The following NKX3-2 variants were observed in gnomAD, a reference collection of about 807,000 sequenced individuals.
NKX3-2 encodes homeobox protein Nkx-3.2.
A neutral mutation model predicts 19.4 loss-of-function variants in NKX3-2; 13 were observed. The ratio of observed to expected loss-of-function variants is 0.67; its 90% CI spans 0.44 to 1.07. The LOEUF (loss-of-function observed/expected upper bound fraction) is 1.07. NKX3-2 is among the 50% of genes least tolerant of loss of function. The pLI is 0.00. For synonymous variants in NKX3-2, 269 were observed against 230.5 expected (o/e 1.17, Z -1.51); for missense variants, 562 against 488.2 (o/e 1.15, Z -1.42).
In NKX3-2 at chr4:13,542,483, C is replaced by A. The variant is rs1288440843; in HGVS notation, c.512G>T (p.Gly171Val). Reference protein sequence around the residue: ...RTEDDGVGPRGAHVSALCSGA... With the variant: ...RTEDDGVGPRVAHVSALCSGA... ...GCTGCACAGCGCGGACACGTGTGCA[C>A]CTCTGGGGCCAACACCGTCGTCCTC... The change falls in exon 2 of 2, where the codon GGT becomes GTT. Residue 171 changes from glycine to valine, a missense_variant. By Grantham distance (109) the Gly-to-Val change is moderately radical. Transcript: ENST00000382438. The surrounding 1 kb of genome is among the most constrained non-coding windows in gnomAD (Gnocchi z 6.4). 16 of 1,596,524 alleles carry A rather than the reference C, an allele frequency of 1.0e-5. No individual in the cohort carries two copies. The South Asian group carries it at 1.1e-4, about 11-fold the overall frequency.
rs771117010 is a variant in NKX3-2, at chr4:13,544,443, G to C, written c.-29C>G. 6.9e-7 allele frequency: 1 copy of C among 1,455,788 alleles called. No homozygotes were observed. The highest frequency in any genetic ancestry group is 2.9e-5 in the East Asian group (1 of 35,054). 90.2% of individuals were successfully genotyped at this position (1,455,788 alleles called of 1,614,324 possible). A position where few individuals can be genotyped will look rare whatever the true frequency, so the allele number is the denominator to read the frequency against. On this transcript the variant is annotated 5_prime_UTR_variant, in exon 1 of 2. Coordinates refer to ENST00000382438, the MANE Select transcript of NKX3-2 (RefSeq NM_001189.4). ...CGCCGCGGGCAGGAGCGGCCGGCGGGGCGGGCAGCTGGGGCGCCGAGCAGC... is the reference window on the plus strand; with the variant it reads ...CGCCGCGGGCAGGAGCGGCCGGCGGCGCGGGCAGCTGGGGCGCCGAGCAGC...
Position 13,544,398 on chromosome 4 carries a change from G to A in NKX3-2, c.17C>T (p.Ala6Val). 6.5e-7 allele frequency: 1 copy of A among 1,539,568 alleles called. No individual in the cohort carries two copies. Among genetic ancestry groups the A allele is most frequent in the South Asian group, 1.2e-5 (1 of 83,390 alleles). The change falls in exon 1 of 2, where the codon GCC (alanine) becomes GTC (valine). Residue 6 changes from alanine to valine, a missense_variant. Transcript: ENST00000382438. Reference sequence around the variant, plus strand: ...GATGGAGAAGGACGTCAAGGTGTTGGCGCCGCGCACAGCCATCTGCGCCGC... The same window carrying A: ...GATGGAGAAGGACGTCAAGGTGTTGACGCCGCGCACAGCCATCTGCGCCGC... MAVRGANTLTSFSIQA... is the reference protein window; with the variant it reads MAVRGVNTLTSFSIQA...
rs761056679 is a variant in NKX3-2, at chr4:13,543,664, G to C, written c.466+285C>G. Among the ~76,000 whole-genome samples the C allele has an allele frequency of 6.6e-6, 1 of 152,180 alleles. No homozygotes were observed. The highest frequency in any genetic ancestry group is 1.5e-5 in the Non-Finnish European group (1 of 68,040). On this transcript the variant is annotated intron_variant, in intron 1 of 1. Transcript: ENST00000382438. The surrounding 1 kb of genome is among the most constrained non-coding windows in gnomAD (Gnocchi z 7.1). ...ACTGGCGACGAACTCAAAAACTCCC[G>C]AACGCAAGGGGCAGCGGTTCTCCCA...
rs1410593176 is a variant in NKX3-2 at position 13,542,733 on chromosome 4, G to C, written c.467-205C>G. 1.3e-5 allele frequency among the ~76,000 whole-genome samples: 2 copies of C among 152,100 alleles called. No homozygotes were observed. Among genetic ancestry groups the C allele is most frequent in the African/African-American group, 4.8e-5 (2 of 41,426 alleles). On this transcript the variant is annotated intron_variant, in intron 1 of 1. Coordinates refer to ENST00000382438, the MANE Select transcript of NKX3-2 (RefSeq NM_001189.4). This position sits in a 1 kb window ranked among gnomAD's most constrained non-coding sequence, Gnocchi z 6.4. ...GGGTATCCCATCTAGGCCTCTTCTG[G>C]GGAGGGCGGCAGACTCAGCCGCTGT...
chr4:13,545,750 A>T (rs1173190701), upstream of NKX3-2, among the ~76,000 whole-genome samples: 1 of 152,170 alleles, frequency 6.6e-6, no homozygotes, highest in East Asian at 1.9e-4. Context: ...AAAAACTTTC[A>T]ATTTGTTTTT....
Position 13,543,773 on chromosome 4 carries a change from C to A in NKX3-2, c.466+176G>T, listed in dbSNP as rs1718047070. Among the ~76,000 whole-genome samples the A allele has an allele frequency of 6.6e-6, 1 of 152,232 alleles. No individual in the cohort carries two copies. The highest frequency in any genetic ancestry group is 1.5e-5 in the Non-Finnish European group (1 of 68,042). ...TCTGAGGAGCTACTCCGGTCTCTCG[C>A]GGGCTCAGTTCCCGAAGTGATAGAG... On this transcript the variant is annotated intron_variant, in intron 1 of 1. Transcript: ENST00000382438. This position sits in a 1 kb window ranked among gnomAD's most constrained non-coding sequence, Gnocchi z 7.1.
rs1261803941 is a variant in NKX3-2, at chr4:13,542,390, G to A, written c.605C>T (p.Pro202Leu). ...CCGCGAGCGCTTCTTGCGTGGCTTG[G>A]GCGCCGCCGGCTCCTCCTCCTCCTC... is the stretch of plus-strand genomic sequence containing the variant. ...VAEEEEEPAA[P>L]KPRKKRSRAA... Residue 202 changes from proline (P) to leucine (L), a missense_variant, in exon 2 of 2, where the codon CCC becomes CTC. Pro to Leu is a moderately conservative substitution (Grantham distance 98). Coordinates refer to ENST00000382438, the MANE Select transcript of NKX3-2 (RefSeq NM_001189.4). This position sits in a 1 kb window ranked among gnomAD's most constrained non-coding sequence, Gnocchi z 6.4. 6 of 1,505,616 alleles carry A rather than the reference G, an allele frequency of 4.0e-6. No individual in the cohort carries two copies. The highest frequency in any genetic ancestry group is 5.3e-6 in the Non-Finnish European group (6 of 1,134,100). 93.3% of individuals were successfully genotyped at this position (1,505,616 alleles called of 1,614,324 possible). A position where few individuals can be genotyped will look rare whatever the true frequency, so the allele number is the denominator to read the frequency against.
upstream of NKX3-2, chr4:13,544,705 T>G (rs1577285573): frequency 2.4e-5 from 5 of 206,766 alleles, no homozygotes; most frequent in East Asian, 1.2e-4. Context: ...TTCTCGCCCT[T>G]AGGGGCGGGC....
At chr4:13,547,403 C>A, upstream of NKX3-2, 1 of 349,604 alleles carries the variant, frequency 2.9e-6, no homozygotes, top group Non-Finnish European at 5.6e-6. Context: ...TTGGGCCGGC[C>A]CGGGAGTTGG....
chr4:13,542,598 C>G lies in NKX3-2; in HGVS notation c.467-70G>C. On this transcript the variant is annotated intron_variant, in intron 1 of 1. Transcript: ENST00000382438. The surrounding 1 kb of genome is among the most constrained non-coding windows in gnomAD (Gnocchi z 6.4). ...CAGACGAGGTGAGGCCGGGCCTCAA[C>G]TGCAGGGGTCACGGGAGTGGGGCGG... The G allele has an allele frequency of 6.4e-7, 1 of 1,565,794 alleles. No individual in the cohort carries two copies. Among genetic ancestry groups the G allele is most frequent in the Admixed American group, 1.7e-5 (1 of 59,902 alleles).
In NKX3-2 at chr4:13,542,174, G is replaced by A. The variant is rs1341018970; in HGVS notation, c.821C>T (p.Ala274Val). ...RQMAADLLAS[A>V]PAAKKVAVKV... ...TACGGCCACCTTCTTGGCGGCGGGCGCCGAGGCCAGCAGGTCGGCTGCCAT... is the reference window on the plus strand; with the variant it reads ...TACGGCCACCTTCTTGGCGGCGGGCACCGAGGCCAGCAGGTCGGCTGCCAT... The change falls in exon 2 of 2, where the codon GCG becomes GTG. Residue 274 changes from alanine (A) to valine (V), a missense_variant. Coordinates refer to ENST00000382438, the MANE Select transcript of NKX3-2 (RefSeq NM_001189.4). This position sits in a 1 kb window ranked among gnomAD's most constrained non-coding sequence, Gnocchi z 6.4. The A allele has an allele frequency of 6.2e-7, 1 of 1,607,714 alleles. No homozygotes were observed. The highest frequency in any genetic ancestry group is 8.5e-7 in the Non-Finnish European group (1 of 1,177,464).
chr4:13,544,213 C>A lies in NKX3-2; in HGVS notation c.202G>T (p.Asp68Tyr). ...RDAGALGGAE[D>Y]SLLASPAGTR... Reference sequence around the variant, plus strand: ...CCGGCAGGAGACGCCAGCAGAGAGTCCTCGGCGCCCCCCAACGCGCCCGCG... The same window carrying A: ...CCGGCAGGAGACGCCAGCAGAGAGTACTCGGCGCCCCCCAACGCGCCCGCG... Residue 68 changes from aspartate to tyrosine, a missense_variant, in exon 1 of 2, where the codon GAC becomes TAC. Coordinates refer to ENST00000382438, the MANE Select transcript of NKX3-2 (RefSeq NM_001189.4). 6.3e-7 allele frequency: 1 copy of A among 1,596,148 alleles called. No homozygotes were observed. The highest frequency in any genetic ancestry group is 1.1e-5 in the South Asian group (1 of 89,940).
rs1718045689 is a variant in NKX3-2 at position 13,543,772 on chromosome 4, G to C, written c.466+177C>G. Among the ~76,000 whole-genome samples, 1 of 152,182 alleles carries C rather than the reference G, an allele frequency of 6.6e-6. No individual in the cohort carries two copies. Among genetic ancestry groups the C allele is most frequent in the Non-Finnish European group, 1.5e-5 (1 of 68,024 alleles). On this transcript the variant is annotated intron_variant, in intron 1 of 1. Coordinates refer to ENST00000382438, the MANE Select transcript of NKX3-2 (RefSeq NM_001189.4). The surrounding 1 kb of genome is among the most constrained non-coding windows in gnomAD (Gnocchi z 7.1). ...CTCTGAGGAGCTACTCCGGTCTCTC[G>C]CGGGCTCAGTTCCCGAAGTGATAGA...
rs1028624387 is a variant in NKX3-2 at position 13,542,611 on chromosome 4, G to C, written c.467-83C>G. 2.6e-6 allele frequency: 4 copies of C among 1,529,194 alleles called. No homozygotes were observed. Among genetic ancestry groups the C allele is most frequent in the African/African-American group, 2.7e-5 (2 of 73,662 alleles). 94.7% of individuals were successfully genotyped at this position (1,529,194 alleles called of 1,614,324 possible). A position where few individuals can be genotyped will look rare whatever the true frequency, so the allele number is the denominator to read the frequency against. On this transcript the variant is annotated intron_variant, in intron 1 of 1. Transcript: ENST00000382438. The surrounding 1 kb of genome is among the most constrained non-coding windows in gnomAD (Gnocchi z 6.4). ...GCCGGGCCTCAACTGCAGGGGTCAC[G>C]GGAGTGGGGCGGAAATACACTTTGA... is the stretch of plus-strand genomic sequence containing the variant.
In NKX3-2 at chr4:13,541,899, G is replaced by C; in HGVS notation, c.*94C>G. Reference sequence around the variant, plus strand: ...GGGTTTCACCTCCAGGTGCCTCCTTGGCGGGGCGCCCCGTGCAGGCTACAG... The same window carrying C: ...GGGTTTCACCTCCAGGTGCCTCCTTCGCGGGGCGCCCCGTGCAGGCTACAG... On this transcript the variant is annotated 3_prime_UTR_variant, in exon 2 of 2. Coordinates refer to ENST00000382438, the MANE Select transcript of NKX3-2 (RefSeq NM_001189.4). 6.6e-7 allele frequency: 1 copy of C among 1,511,472 alleles called. No individual in the cohort carries two copies. The highest frequency in any genetic ancestry group is 8.9e-7 in the Non-Finnish European group (1 of 1,123,090). 93.6% of individuals were successfully genotyped at this position (1,511,472 alleles called of 1,614,324 possible). A position where few individuals can be genotyped will look rare whatever the true frequency, so the allele number is the denominator to read the frequency against.
chr4:13,546,309 T>A (rs1346600935), upstream of NKX3-2: 2 of 153,996 alleles, frequency 1.3e-5, no homozygotes. Context: ...GCAAACCTTG[T>A]AGGGTACCTG....
chr4:13,543,004 G>A lies in NKX3-2; in HGVS notation c.467-476C>T, dbSNP rs1718028872. Among the ~76,000 whole-genome samples the A allele has an allele frequency of 6.6e-6, 1 of 152,062 alleles. No individual in the cohort carries two copies. The highest frequency in any genetic ancestry group is 6.5e-5 in the Admixed American group (1 of 15,274). On this transcript the variant is annotated intron_variant, in intron 1 of 1. Coordinates refer to ENST00000382438, the MANE Select transcript of NKX3-2 (RefSeq NM_001189.4). This position sits in a 1 kb window ranked among gnomAD's most constrained non-coding sequence, Gnocchi z 7.1. ...TGTCTGGTGCAGGTAAGGGAAGGTG[G>A]AGGCGGATCCTGGGGCCAAAGGTAT...
chr4:13,546,484 C>T (rs1718135771), upstream of NKX3-2: 2 of 199,592 alleles, frequency 1.0e-5, no homozygotes, highest in Admixed American at 5.3e-5. Flanking sequence ...GTCCTCTCCT[C>T]CCCCGCTGTA....
At position 13,542,893 on chromosome 4, in the gene NKX3-2, T is replaced by C. The variant is rs147804718; in HGVS notation, c.467-365A>G. 6.6e-6 allele frequency among the ~76,000 whole-genome samples: 1 copy of C among 152,048 alleles called. No individual in the cohort carries two copies. The highest frequency in any genetic ancestry group is 1.5e-5 in the Non-Finnish European group (1 of 67,994). On this transcript the variant is annotated intron_variant, in intron 1 of 1. Transcript: ENST00000382438. The surrounding 1 kb of genome is among the most constrained non-coding windows in gnomAD (Gnocchi z 6.4). The stretch of plus-strand genomic sequence containing the variant: ...AGCGTTGAGCATTGGGATTCTAGAC[T>C]GCATTTCCGTCTCTCTGCTTGGGTT...
Sources: allele counts gnomAD v4.1 joint callset (sites outside exome capture counted in the v4.1 genomes callset), GRCh38; gene constraint gnomAD v4.1.1; non-coding constraint Gnocchi (gnomAD v3.1); transcripts MANE v1.5; gene names NCBI Gene and HGNC (gene_info 2026-07-23, HGNC 2026-07-21).